Variants in RHOA observed in about 807,000 individuals in gnomAD.
RHOA encodes the protein transforming protein RhoA.
In RHOA, 3 loss-of-function variants were observed where a neutral mutation model predicts 17.5. The observed-to-expected ratio is 0.17, with a 90% CI of 0.08 to 0.44. The LOEUF is 0.44. Ranked by LOEUF, RHOA falls within the 20% of genes least tolerant of loss-of-function variation. RHOA has a pLI of 0.99. For synonymous variants in RHOA, 98 were observed against 88.4 expected (o/e 1.11, Z -0.61); for missense variants, 56 against 242.3 (o/e 0.23, Z 5.10).
intron 1 of RHOA, among the ~76,000 whole-genome samples, chr3:49,391,173 G>A (rs1443742668): frequency 1.4e-5 from 2 of 147,392 alleles, no homozygotes; most frequent in Non-Finnish European, 3.0e-5. Flanking sequence ...AGCCGAGATC[G>A]CACCACTGCA....
intron 1 of RHOA, among the ~76,000 whole-genome samples, chr3:49,385,716 T>G (rs2048386273): frequency 2.0e-5 from 3 of 152,116 alleles, no homozygotes; most frequent in Non-Finnish European, 4.4e-5. Context: ...TAGTTTTAAG[T>G]CTTACACTTT....
At chr3:49,372,855 A>G (rs2048168204) in intron 2 of RHOA, among the ~76,000 whole-genome samples, 1 of 151,938 alleles carries the variant, frequency 6.6e-6, no homozygotes, top group Non-Finnish European at 1.5e-5. Context: ...CAGAACCTTG[A>G]TGTCACCTAT....
Position 49,403,531 on chromosome 3 carries a change from T to C in RHOA, c.-3+8289A>G, listed in dbSNP as rs375936511. ...GGAGTTCAAGACCAGTCTGAGCACATAGTGAGACCCCTCTCTCTACAAAAA... is the reference window on the plus strand; with the variant it reads ...GGAGTTCAAGACCAGTCTGAGCACACAGTGAGACCCCTCTCTCTACAAAAA... On this transcript the variant is annotated intron_variant, in intron 1 of 4. Coordinates refer to ENST00000418115, the MANE Select transcript of RHOA (RefSeq NM_001664.4). Among the ~76,000 whole-genome samples, 50 of 151,044 alleles carry C rather than the reference T, an allele frequency of 3.3e-4. 7 individuals carry two copies. The highest frequency in any genetic ancestry group is 2.1e-3 in the Admixed American group (32 of 15,084).
intron 1 of RHOA, among the ~76,000 whole-genome samples, chr3:49,409,967 A>C (rs986820492): frequency 3.3e-5 from 5 of 152,126 alleles, no homozygotes; most frequent in African/African-American, 1.2e-4. Context: ...AAAAAATCCA[A>C]ACAAAGCCAT....
chr3:49,376,895 G>A lies in RHOA; in HGVS notation c.-2-1304C>T, dbSNP rs183416287. Among the ~76,000 whole-genome samples the A allele has an allele frequency of 1.5e-3, 222 of 152,090 alleles. 2 individuals are homozygous for A. In the South Asian group the frequency reaches 0.018, roughly 12 times the overall value. ...TATAATCCCAGCATTTTGGGAGGCC[G>A]AGGCAGGCAGATCACCTGAGGTCAG... On this transcript the variant is annotated intron_variant, in intron 1 of 4. Coordinates refer to ENST00000418115, the MANE Select transcript of RHOA (RefSeq NM_001664.4).
At chr3:49,398,871 A>G (rs1486233136) in intron 1 of RHOA, among the ~76,000 whole-genome samples, 1 of 109,452 alleles carries the variant, frequency 9.1e-6, no homozygotes, top group Non-Finnish European at 1.9e-5. Context: ...AAAAAAAAAA[A>G]GAATTTTGCT....
rs1353050892 is a variant in RHOA, at chr3:49,377,036, G to A, written c.-2-1445C>T. On this transcript the variant is annotated intron_variant, in intron 1 of 4. Coordinates refer to ENST00000418115, the MANE Select transcript of RHOA (RefSeq NM_001664.4). ...CTAGCTACACAGGAGCAAGAGGCAGGAGAATCGCTTGAACCCGGGAGGCAG... is the reference window on the plus strand; with the variant it reads ...CTAGCTACACAGGAGCAAGAGGCAGAAGAATCGCTTGAACCCGGGAGGCAG... 2.6e-5 allele frequency among the ~76,000 whole-genome samples: 4 copies of A among 152,316 alleles called. No homozygotes were observed. The South Asian group carries it at 8.3e-4, about 32-fold the overall frequency.
intron 2 of RHOA, among the ~76,000 whole-genome samples, chr3:49,373,860 A>G (rs1177757884): frequency 2.0e-5 from 3 of 151,920 alleles, no homozygotes. Context: ...AGACAACAAA[A>G]GGAAGCAGAA....
intron 1 of RHOA, among the ~76,000 whole-genome samples, chr3:49,385,295 A>G (rs1315742716): frequency 7.0e-6 from 1 of 143,728 alleles, no homozygotes; most frequent in Non-Finnish European, 1.5e-5. Flanking sequence ...ATCTTGGCTC[A>G]CTGCAACCTC....
chr3:49,405,151 A>T (rs965286832), intron 1 of RHOA, among the ~76,000 whole-genome samples: 1 of 144,348 alleles, frequency 6.9e-6, no homozygotes, highest in African/African-American at 2.6e-5. Flanking sequence ...TCAGCTACTC[A>T]GGAGGCTGAG....
In RHOA at chr3:49,359,375, G is replaced by T. The variant is rs1235059546; in HGVS notation, c.*834C>A. ...CTTCCAAAGTGTCTAATTGCCTCAG[G>T]CGTGAAACCAATTCCTATTTACTTA... On this transcript the variant is annotated 3_prime_UTR_variant, in exon 5 of 5. Coordinates refer to ENST00000418115, the MANE Select transcript of RHOA (RefSeq NM_001664.4). The T allele has an allele frequency of 1.6e-5, 3 of 187,434 alleles. No homozygotes were observed. Among genetic ancestry groups the T allele is most frequent in the Non-Finnish European group, 3.4e-5 (3 of 88,644 alleles). The allele number at this position is 187,434 out of a possible 1,614,324, so 11.6% of individuals were successfully genotyped here. A position where few individuals can be genotyped will look rare whatever the true frequency, so the allele number is the denominator to read the frequency against.
At chr3:49,382,138 T>C (rs2048328237) in intron 1 of RHOA, among the ~76,000 whole-genome samples, 1 of 146,906 alleles carries the variant, frequency 6.8e-6, no homozygotes, top group Non-Finnish European at 1.5e-5. Context: ...GCTAACATAG[T>C]GAAATCCCGT....
intron 2 of RHOA, 97 bp downstream of exon 2, chr3:49,375,337 T>TG (rs2048209275): frequency 9.0e-7 from 1 of 1,105,710 alleles, no homozygotes; most frequent in Non-Finnish European, 1.3e-6. Context: ...TTTTGTTATA[T>TG]GGTATACTGA....
chr3:49,392,428 T>G lies in RHOA; in HGVS notation c.-2-16837A>C, dbSNP rs138544961. On this transcript the variant is annotated intron_variant, in intron 1 of 4. Coordinates refer to ENST00000418115, the MANE Select transcript of RHOA (RefSeq NM_001664.4). ...TTGCTCTCCAGCCTGGGTGCCAGAGTGAGTCCCTGTGTCAAAAACAAGAAC... is the reference window on the plus strand; with the variant it reads ...TTGCTCTCCAGCCTGGGTGCCAGAGGGAGTCCCTGTGTCAAAAACAAGAAC... Among the ~76,000 whole-genome samples, 147 of 152,166 alleles carry G rather than the reference T, an allele frequency of 9.7e-4. 4 individuals carry two copies. In the East Asian group the frequency reaches 0.025, roughly 26 times the overall value.
chr3:49,389,979 C>T (rs918938235), intron 1 of RHOA, among the ~76,000 whole-genome samples: 1 of 149,720 alleles, frequency 6.7e-6, no homozygotes, highest in Non-Finnish European at 1.5e-5. Context: ...AACAGTAAGA[C>T]TTGATTAGTA....
At chr3:49,398,164 C>T (rs1031135860) in intron 1 of RHOA, among the ~76,000 whole-genome samples, 6 of 151,454 alleles carry the variant, frequency 4.0e-5, no homozygotes, top group African/African-American at 1.5e-4. Flanking sequence ...AGTTTGAGAC[C>T]ACCCCGGCCA....
chr3:49,360,545 G>A lies in RHOA; in HGVS notation c.409-163C>T, dbSNP rs550740094. The stretch of plus-strand genomic sequence containing the variant: ...GGCAATGGCATGATCTCAGCTGACT[G>A]CAACCTCCACCTCCTGGGTTCAAGG... On this transcript the variant is annotated intron_variant, in intron 4 of 4. Transcript: ENST00000418115. Among the ~76,000 whole-genome samples, 4 of 152,070 alleles carry A rather than the reference G, an allele frequency of 2.6e-5. No homozygotes were observed. The East Asian group carries it at 5.9e-4, about 22-fold the overall frequency.
chr3:49,383,026 C>G (rs2048341789), intron 1 of RHOA, among the ~76,000 whole-genome samples: 2 of 151,604 alleles, frequency 1.3e-5, no homozygotes, highest in African/African-American at 2.4e-5. Context: ...TGCACTCCAG[C>G]CTGGGCGACA....
chr3:49,383,088 G>C (rs921551826), intron 1 of RHOA, among the ~76,000 whole-genome samples: 36 of 151,156 alleles, frequency 2.4e-4, no homozygotes, highest in African/African-American at 8.7e-4. Context: ...AAAAAGAAAA[G>C]GCTGCCACCT....
Sources: allele counts gnomAD v4.1 joint callset (sites outside exome capture counted in the v4.1 genomes callset), GRCh38; gene constraint gnomAD v4.1.1; transcripts MANE v1.5; gene names NCBI Gene and HGNC (gene_info 2026-07-23, HGNC 2026-07-21).